Variants in PCCA observed in about 807,000 individuals in gnomAD.
PCCA encodes propionyl-CoA carboxylase alpha chain, mitochondrial.
PCCA carries 74 observed loss-of-function variants against 101.3 expected under a neutral mutation model. The observed-to-expected ratio is 0.73, with a 90% CI of 0.61 to 0.89. The LOEUF (loss-of-function observed/expected upper bound fraction) is 0.89, where lower values mean the gene tolerates loss of function less well. PCCA is among the 40% of genes least tolerant of loss of function. The probability of loss-of-function intolerance (pLI) is 0.00; values close to 1 mark genes in which losing one functional copy is unlikely to be tolerated. For missense variants in PCCA, 891 were observed against 907.0 expected (o/e 0.98, Z 0.23); for synonymous variants, 294 against 313.6 (o/e 0.94, Z 0.66).
At chr13:100,128,418 T>C (rs1424394147) in intron 4 of PCCA, among the ~76,000 whole-genome samples, 1 of 152,110 alleles carries the variant, frequency 6.6e-6, no homozygotes, top group Non-Finnish European at 1.5e-5. Context: ...GCTTTAGAGA[T>C]GGGTATAGAG....
chr13:100,299,784 C>T (rs1046784283), intron 12 of PCCA, among the ~76,000 whole-genome samples: 2 of 152,126 alleles, frequency 1.3e-5, no homozygotes, highest in African/African-American at 2.4e-5. Context: ...GGTGCAATCT[C>T]GGCTCACTAC....
intron 17 of PCCA, among the ~76,000 whole-genome samples, chr13:100,334,615 G>A (rs2070151987): frequency 1.3e-5 from 2 of 152,144 alleles, no homozygotes; most frequent in Admixed American, 1.3e-4. Context: ...CTAAAAAACT[G>A]TGATTTTTCT....
chr13:100,310,047 T>C (rs2066784985), intron 16 of PCCA, 139 bp downstream of exon 16: 1 of 692,836 alleles, frequency 1.4e-6, no homozygotes, highest in Admixed American at 2.3e-5. Flanking sequence ...AAAACTCAAA[T>C]CCATCAAACC....
chr13:100,096,094 A>C (rs1257333201), intron 1 of PCCA, among the ~76,000 whole-genome samples: 1 of 152,174 alleles, frequency 6.6e-6, no homozygotes, highest in African/African-American at 2.4e-5. Flanking sequence ...GTTTGAAGGC[A>C]GATACAGATG....
chr13:100,488,754 T>C (rs563247558), intron 21 of PCCA, among the ~76,000 whole-genome samples: 1 of 151,842 alleles, frequency 6.6e-6, no homozygotes, highest in African/African-American at 2.4e-5. Flanking sequence ...TGCAGTGAGC[T>C]AGGATCGCAT....
chr13:100,123,635 G>C (rs1184148169), intron 4 of PCCA, among the ~76,000 whole-genome samples: 1 of 151,770 alleles, frequency 6.6e-6, no homozygotes, highest in African/African-American at 2.4e-5. Flanking sequence ...AACATAATGG[G>C]GGGGGATTGA....
chr13:100,389,622 T>C (rs917304452), intron 19 of PCCA, among the ~76,000 whole-genome samples: 20 of 151,686 alleles, frequency 1.3e-4, no homozygotes, highest in African/African-American at 4.1e-4. Flanking sequence ...GAATGTAAAA[T>C]AGAAGTTAAA....
At chr13:100,458,757 A>T (rs899908681) in intron 21 of PCCA, among the ~76,000 whole-genome samples, 1 of 152,192 alleles carries the variant, frequency 6.6e-6, no homozygotes, top group African/African-American at 2.4e-5. Flanking sequence ...TTGTGCCTTT[A>T]TGACCCAGGA....
chr13:100,098,320 A>T (rs1322547668), intron 1 of PCCA, among the ~76,000 whole-genome samples: 2 of 152,252 alleles, frequency 1.3e-5, no homozygotes, highest in Admixed American at 1.3e-4. Context: ...GAGGTCTTTT[A>T]CATTTTCTGG....
chr13:100,114,572 T>C (rs1951138313), intron 4 of PCCA, among the ~76,000 whole-genome samples: 1 of 152,108 alleles, frequency 6.6e-6, no homozygotes, highest in East Asian at 1.9e-4. Flanking sequence ...CGCTGTAGCG[T>C]GGGCGACCAG....
intron 17 of PCCA, among the ~76,000 whole-genome samples, chr13:100,332,208 G>A (rs2069725390): frequency 6.6e-6 from 1 of 152,128 alleles, no homozygotes; most frequent in Non-Finnish European, 1.5e-5. Flanking sequence ...AAAGCGCTGG[G>A]ATTACAGGCG....
At chr13:100,196,699 C>T (rs2058125358) in intron 6 of PCCA, among the ~76,000 whole-genome samples, 1 of 152,156 alleles carries the variant, frequency 6.6e-6, no homozygotes, top group Non-Finnish European at 1.5e-5. Context: ...GTGAGTATGT[C>T]ATTAGATTTT....
chr13:100,435,139 G>T (rs2079834012), intron 20 of PCCA, among the ~76,000 whole-genome samples: 1 of 152,158 alleles, frequency 6.6e-6, no homozygotes, highest in Admixed American at 6.6e-5. Context: ...GGTTTAAATG[G>T]CTCATGGTTC....
At chr13:100,171,350 A>G (rs1403299357) in intron 6 of PCCA, among the ~76,000 whole-genome samples, 3 of 152,170 alleles carry the variant, frequency 2.0e-5, no homozygotes, top group African/African-American at 7.2e-5. Flanking sequence ...AGAAAATTTG[A>G]TAGGCACTGT....
intron 7 of PCCA, among the ~76,000 whole-genome samples, chr13:100,220,484 G>A (rs536299035): frequency 5.4e-5 from 8 of 148,136 alleles, no homozygotes; most frequent in African/African-American, 1.7e-4. Context: ...CATGTTGGCC[G>A]GGTCTTGAAC....
intron 21 of PCCA, among the ~76,000 whole-genome samples, chr13:100,465,766 T>A (rs1474997076): frequency 6.6e-6 from 1 of 152,226 alleles, no homozygotes; most frequent in African/African-American, 2.4e-5. Flanking sequence ...GCACACAGCT[T>A]GGTTGGGGAG....
intron 6 of PCCA, among the ~76,000 whole-genome samples, chr13:100,179,173 G>T (rs1346926284): frequency 6.6e-6 from 1 of 150,822 alleles, no homozygotes; most frequent in South Asian, 2.1e-4. Context: ...TTAAGTATTT[G>T]TACCTTGACA....
chr13:100,388,764 C>T (rs186230852), intron 19 of PCCA, among the ~76,000 whole-genome samples: 167 of 152,206 alleles, frequency 1.1e-3, no homozygotes, highest in African/African-American at 3.9e-3. Context: ...CATTGGACTC[C>T]AGCCTGGGTG....
At chr13:100,287,140 C>T (rs2064740700) in intron 12 of PCCA, among the ~76,000 whole-genome samples, 1 of 152,042 alleles carries the variant, frequency 6.6e-6, no homozygotes, top group Non-Finnish European at 1.5e-5. Context: ...ACATTACATA[C>T]TGAAATTGCA....
Sources: gnomAD v4.1 joint callset for allele counts (sites outside exome capture counted in the v4.1 genomes callset) on GRCh38, gnomAD v4.1.1 for gene constraint, MANE v1.5 for transcripts, NCBI Gene and HGNC (gene_info 2026-07-23, HGNC 2026-07-21) for gene names.